HAPLN1: variants seen among roughly 807,000 people sequenced by gnomAD.
HAPLN1 encodes hyaluronan and proteoglycan link protein 1.
In HAPLN1, 13 loss-of-function variants were observed where a neutral mutation model predicts 36.5. The ratio of observed to expected loss-of-function variants is 0.36; its 90% CI spans 0.23 to 0.57. The LOEUF (loss-of-function observed/expected upper bound fraction) is 0.57. HAPLN1 is among the 20% of genes least tolerant of loss of function. The pLI is 0.83. For synonymous variants in HAPLN1, 202 were observed against 169.8 expected (o/e 1.19, Z -1.48); for missense variants, 407 against 439.7 (o/e 0.93, Z 0.66).
chr5:83,708,570 G>T (rs1751703806), intron 1 of HAPLN1, among the ~76,000 whole-genome samples: 1 of 152,160 alleles, frequency 6.6e-6, no homozygotes, highest in Non-Finnish European at 1.5e-5. Context: ...GAGGGTGGAG[G>T]TTGGGAAGAG....
At chr5:83,707,039 T>C (rs746751597) in intron 1 of HAPLN1, among the ~76,000 whole-genome samples, 6 of 152,062 alleles carry the variant, frequency 3.9e-5, no homozygotes, top group Non-Finnish European at 8.8e-5. Flanking sequence ...AAGATTCCTA[T>C]GGTGAGAATT....
Position 83,645,475 on chromosome 5 carries a change from C to CTTTTTTTTTTTTTTTTTTT in HAPLN1, c.473-811_473-810insAAAAAAAAAAAAAAAAAAA. Among the ~76,000 whole-genome samples, 159 of 74,308 alleles carry CTTTTTTTTTTTTTTTTTTT rather than the reference C, an allele frequency of 2.1e-3. 16 individuals are homozygous for CTTTTTTTTTTTTTTTTTTT. The highest frequency in any genetic ancestry group is 8.2e-3 in the Middle Eastern group (1 of 122). The allele number at this position is 74,308 out of a possible 152,430, so 48.7% of individuals were successfully genotyped here. ...GTGATTTTCTTTTTTCTTTTTCTTT[C>CTTTTTTTTTTTTTTTTTTT]TTTTTTTTTTTTTTTTAGCTCATCA... On this transcript the variant is annotated intron_variant, in intron 3 of 4. Coordinates refer to ENST00000274341, the MANE Select transcript of HAPLN1 (RefSeq NM_001884.4).
At chr5:83,693,945 C>A (rs1751335317) in intron 1 of HAPLN1, among the ~76,000 whole-genome samples, 1 of 151,728 alleles carries the variant, frequency 6.6e-6, no homozygotes, top group African/African-American at 2.4e-5. Flanking sequence ...GTAAACCAAC[C>A]TCACCTAATT....
intron 1 of HAPLN1, among the ~76,000 whole-genome samples, chr5:83,691,340 G>A (rs1167424397): frequency 1.3e-5 from 2 of 152,100 alleles, no homozygotes; most frequent in South Asian, 2.1e-4. Flanking sequence ...TTCAGTTAAG[G>A]ACTGACCAGT....
chr5:83,680,099 T>G (rs1282078391), intron 1 of HAPLN1, among the ~76,000 whole-genome samples: 1 of 152,176 alleles, frequency 6.6e-6, no homozygotes, highest in African/African-American at 2.4e-5. Context: ...TTGACAGGGT[T>G]TGAGACAAAC....
At chr5:83,653,719 C>T (rs546146364) in intron 2 of HAPLN1, among the ~76,000 whole-genome samples, 95 of 152,294 alleles carry the variant, frequency 6.2e-4, no homozygotes, top group African/African-American at 2.1e-3. Context: ...ACTCTATTGC[C>T]TTCCAAAGAG....
intron 1 of HAPLN1, among the ~76,000 whole-genome samples, chr5:83,678,578 T>A (rs1052288332): frequency 3.3e-5 from 5 of 152,204 alleles, no homozygotes; most frequent in African/African-American, 1.2e-4. Flanking sequence ...TCAGCAGGAC[T>A]GGCAGTGCAG....
At chr5:83,712,037 T>C (rs1751796422) in intron 1 of HAPLN1, among the ~76,000 whole-genome samples, 1 of 152,210 alleles carries the variant, frequency 6.6e-6, no homozygotes, top group South Asian at 2.1e-4. Flanking sequence ...ATATTTGCAT[T>C]ACATACTTGA....
intron 1 of HAPLN1, among the ~76,000 whole-genome samples, chr5:83,681,192 A>G (rs1750990117): frequency 6.6e-6 from 1 of 152,210 alleles, no homozygotes; most frequent in Non-Finnish European, 1.5e-5. Context: ...CAGTAATAGT[A>G]AATGAATTTT....
chr5:83,661,080 T>C (rs996183258), intron 2 of HAPLN1, among the ~76,000 whole-genome samples: 2 of 152,184 alleles, frequency 1.3e-5, no homozygotes, highest in African/African-American at 4.8e-5. Flanking sequence ...TCATCAACTC[T>C]TGAGGATCGC....
Position 83,644,459 on chromosome 5 carries a change from C to T in HAPLN1, c.679G>A (p.Gly227Arg), listed in dbSNP as rs762585164. The T allele has an allele frequency of 6.2e-7, 1 of 1,613,324 alleles. No homozygotes were observed. Among genetic ancestry groups the T allele is most frequent in the Non-Finnish European group, 8.5e-7 (1 of 1,179,638 alleles). Residue 227 changes from glycine (G) to arginine (R), a missense_variant, in exon 4 of 5, where the codon GGG becomes AGG. Coordinates refer to ENST00000274341, the MANE Select transcript of HAPLN1 (RefSeq NM_001884.4). Reference protein sequence around the residue: ...YPITKPREPCGGQNTVPGVRN... With the variant: ...YPITKPREPCRGQNTVPGVRN... ...ACTCCGGGCACTGTGTTCTGCCCCC[C>T]ACAGGGCTCTCTGGGCTTTGTGATG... is the stretch of plus-strand genomic sequence containing the variant.
chr5:83,655,335 A>C (rs1750181644), intron 2 of HAPLN1, among the ~76,000 whole-genome samples: 1 of 152,278 alleles, frequency 6.6e-6, no homozygotes, highest in African/African-American at 2.4e-5. Flanking sequence ...GTATTTTAGA[A>C]GTGTAGGTTT....
At chr5:83,710,083 T>C (rs555805774) in intron 1 of HAPLN1, among the ~76,000 whole-genome samples, 2 of 152,296 alleles carry the variant, frequency 1.3e-5, no homozygotes, top group South Asian at 4.1e-4. Context: ...GACAGGTTTG[T>C]GAGATGTGCT....
In HAPLN1 at chr5:83,656,436, T is replaced by TA. The variant is rs36012664; in HGVS notation, c.101-3613dup. ...TTGATCATTAGAATGAGTATTGCTT[T>TA]AAAAAAAAAAAAAACAACATGGCAA... On this transcript the variant is annotated intron_variant, in intron 2 of 4. Transcript: ENST00000274341. 5.2e-3 allele frequency among the ~76,000 whole-genome samples: 742 copies of TA among 143,246 alleles called. 4 individuals carry two copies. The highest frequency in any genetic ancestry group is 7.7e-3 in the Non-Finnish European group (501 of 65,434). 94.0% of individuals were successfully genotyped at this position (143,246 alleles called of 152,430 possible).
chr5:83,647,706 T>C (rs1749913297), intron 3 of HAPLN1, among the ~76,000 whole-genome samples: 1 of 152,192 alleles, frequency 6.6e-6, no homozygotes, highest in Non-Finnish European at 1.5e-5. Context: ...GTGGTATGAT[T>C]GTCCAAGGAA....
At chr5:83,717,804 T>C (rs1447759354) in intron 1 of HAPLN1, among the ~76,000 whole-genome samples, 1 of 152,204 alleles carries the variant, frequency 6.6e-6, no homozygotes, top group Non-Finnish European at 1.5e-5. Context: ...CAAGTATAGA[T>C]GAAGTTGTTT....
At chr5:83,686,108 A>T (rs1016694910) in intron 1 of HAPLN1, 2 of 145,544 alleles carry the variant, frequency 1.4e-5, no homozygotes, top group Admixed American at 1.4e-4. Flanking sequence ...CCAATGACGG[A>T]GCCAAAACAA....
intron 2 of HAPLN1, among the ~76,000 whole-genome samples, chr5:83,668,421 A>G (rs1185575778): frequency 6.6e-6 from 1 of 152,196 alleles, no homozygotes; most frequent in African/African-American, 2.4e-5. Flanking sequence ...GGGACAAGCA[A>G]TGCAAAGCTC....
intron 1 of HAPLN1, among the ~76,000 whole-genome samples, chr5:83,684,806 C>T (rs1751084123): frequency 6.6e-6 from 1 of 152,100 alleles, no homozygotes. Context: ...CACATCACTG[C>T]AGGTTACTTA....
Sources: gnomAD v4.1 joint callset for allele counts (sites outside exome capture counted in the v4.1 genomes callset) on GRCh38, gnomAD v4.1.1 for gene constraint, MANE v1.5 for transcripts, NCBI Gene and HGNC (gene_info 2026-07-23, HGNC 2026-07-21) for gene names.